SCHIP1: variants seen among roughly 807,000 people sequenced by gnomAD.
SCHIP1 encodes schwannomin interacting protein 1, also known as schwannomin-interacting protein 1.
Under a neutral mutation model 29.7 loss-of-function variants are expected in SCHIP1, and 8 were observed. That is an observed-to-expected ratio of 0.27 (90% CI 0.16 to 0.49). The LOEUF (loss-of-function observed/expected upper bound fraction) is 0.49, where lower values mean the gene tolerates loss of function less well. Among genes scored for constraint, SCHIP1 ranks in the 20% least tolerant of loss-of-function variants. The pLI is 0.99. For synonymous variants in SCHIP1, 76 were observed against 94.9 expected (o/e 0.80, Z 1.16); for missense variants, 193 against 294.6 (o/e 0.66, Z 2.52).
the SCHIP1 span, among the ~76,000 whole-genome samples, chr3:159,308,933 A>G: frequency 1.3e-5 from 2 of 152,162 alleles, no homozygotes; most frequent in African/African-American, 2.4e-5. Flanking sequence ...TACATACACC[A>G]TGTCCTCACT....
the SCHIP1 span, among the ~76,000 whole-genome samples, chr3:159,667,833 C>T: frequency 2.0e-5 from 3 of 152,224 alleles, no homozygotes; most frequent in Non-Finnish European, 2.9e-5. Context: ...ACACATAGAA[C>T]TAAACAAGAG....
the SCHIP1 span, among the ~76,000 whole-genome samples, chr3:159,615,856 T>C: frequency 7.9e-5 from 12 of 152,328 alleles, no homozygotes; most frequent in African/African-American, 2.4e-4. Context: ...ATGAATGCTT[T>C]CAATGTACAT....
the SCHIP1 span, among the ~76,000 whole-genome samples, chr3:159,609,244 C>A: frequency 2.0e-5 from 3 of 152,008 alleles, no homozygotes; most frequent in Non-Finnish European, 4.4e-5. Context: ...GAGGAACCAA[C>A]TAGGTGGGTA....
the SCHIP1 span, among the ~76,000 whole-genome samples, chr3:159,662,494 G>T: frequency 0.037 from 5,587 of 152,272 alleles, 263 homozygotes; most frequent in African/African-American, 0.11. Context: ...TCTACACCCA[G>T]CCACATCAGA....
the SCHIP1 span, among the ~76,000 whole-genome samples, chr3:159,773,784 T>C: frequency 6.6e-6 from 1 of 152,234 alleles, no homozygotes; most frequent in Non-Finnish European, 1.5e-5. Flanking sequence ...CCCTGGATGA[T>C]AGAAAGCTAG....
At chr3:159,798,601 T>A in the SCHIP1 span, among the ~76,000 whole-genome samples, 1 of 151,960 alleles carries the variant, frequency 6.6e-6, no homozygotes, top group Non-Finnish European at 1.5e-5. Context: ...CTACTAAAAA[T>A]GCAAAAATTA....
At chr3:159,528,080 C>T in the SCHIP1 span, among the ~76,000 whole-genome samples, 1 of 152,136 alleles carries the variant, frequency 6.6e-6, no homozygotes, top group African/African-American at 2.4e-5. Context: ...TCTTTTATTA[C>T]TTTAAAAAAT....
At chr3:159,884,503 A>C (rs1716779671) in intron 2 of SCHIP1, among the ~76,000 whole-genome samples, 1 of 152,144 alleles carries the variant, frequency 6.6e-6, no homozygotes, top group Admixed American at 6.5e-5. Flanking sequence ...TTGATTCTAC[A>C]TCAGGGATTA....
chr3:159,565,812 T>A, the SCHIP1 span, among the ~76,000 whole-genome samples: 1 of 152,228 alleles, frequency 6.6e-6, no homozygotes, highest in Non-Finnish European at 1.5e-5. Context: ...TATTATATTA[T>A]GTGATTACAG....
the SCHIP1 span, among the ~76,000 whole-genome samples, chr3:159,376,810 C>A: frequency 1.3e-5 from 2 of 152,184 alleles, no homozygotes; most frequent in African/African-American, 4.8e-5. Context: ...ACCCCTACTT[C>A]TCCATCAGTA....
At chr3:159,745,581 C>A in the SCHIP1 span, among the ~76,000 whole-genome samples, 1 of 152,232 alleles carries the variant, frequency 6.6e-6, no homozygotes, top group African/African-American at 2.4e-5. Context: ...AAGTCTCTTT[C>A]TGCTTTCAGG....
chr3:159,307,525 A>G, the SCHIP1 span, among the ~76,000 whole-genome samples: 2 of 151,564 alleles, frequency 1.3e-5, no homozygotes, highest in East Asian at 1.9e-4. Flanking sequence ...CTTAATTTAA[A>G]TTTTTTTTTG....
At chr3:159,820,070 T>A in the SCHIP1 span, among the ~76,000 whole-genome samples, 18 of 152,156 alleles carry the variant, frequency 1.2e-4, no homozygotes, top group Non-Finnish European at 1.8e-4. Context: ...GGGGATCACA[T>A]AGACTTGAAT....
the SCHIP1 span, among the ~76,000 whole-genome samples, chr3:159,610,511 T>C: frequency 6.6e-6 from 1 of 152,214 alleles, no homozygotes; most frequent in South Asian, 2.1e-4. Flanking sequence ...CCAAATGTGG[T>C]TCAAAGACCC....
At chr3:159,611,951 T>C in the SCHIP1 span, among the ~76,000 whole-genome samples, 3 of 152,170 alleles carry the variant, frequency 2.0e-5, no homozygotes, top group African/African-American at 7.2e-5. Flanking sequence ...AAATTCCATA[T>C]AATTTTTCTC....
the SCHIP1 span, among the ~76,000 whole-genome samples, chr3:159,689,839 G>A: frequency 1.2e-3 from 190 of 152,288 alleles, no homozygotes; most frequent in African/African-American, 4.5e-3. Flanking sequence ...GGCCTTTTCT[G>A]CATCTATTGA....
chr3:159,362,556 C>G, the SCHIP1 span, among the ~76,000 whole-genome samples: 2 of 152,132 alleles, frequency 1.3e-5, no homozygotes, highest in Non-Finnish European at 2.9e-5. Context: ...GAAACCAAAC[C>G]AACCTCATTG....
chr3:159,703,372 G>A, the SCHIP1 span, among the ~76,000 whole-genome samples: 7 of 152,290 alleles, frequency 4.6e-5, no homozygotes, highest in South Asian at 1.2e-3. Flanking sequence ...ACGTGGTAGA[G>A]GAAAAGTTGA....
intron 6 of SCHIP1, among the ~76,000 whole-genome samples, chr3:159,895,030 C>T (rs1037565179): frequency 6.6e-6 from 1 of 152,080 alleles, no homozygotes; most frequent in Non-Finnish European, 1.5e-5. Context: ...ACTGTGAGAA[C>T]TGTAATTAGC....
Sources: gnomAD v4.1 joint callset for allele counts (sites outside exome capture counted in the v4.1 genomes callset) on GRCh38, gnomAD v4.1.1 for gene constraint, MANE v1.5 for transcripts, NCBI Gene and HGNC (gene_info 2026-07-23, HGNC 2026-07-21) for gene names.